MALRD1: variants seen among roughly 807,000 people sequenced by gnomAD.
The protein encoded by MALRD1 is MAM and LDL receptor class A domain containing 1.
In MALRD1, 247 loss-of-function variants were observed where a neutral mutation model predicts 242.1. The ratio of observed to expected loss-of-function variants is 1.02; its 90% CI spans 0.92 to 1.13. The LOEUF (loss-of-function observed/expected upper bound fraction) is 1.13. Ranked by LOEUF, MALRD1 falls within the 50% of genes most tolerant of loss-of-function variation. The probability of loss-of-function intolerance (pLI) is 0.00; values close to 1 mark genes in which losing one functional copy is unlikely to be tolerated. For synonymous variants in MALRD1, 995 were observed against 866.6 expected, an observed-to-expected ratio of 1.15 and a Z score of -2.60; for missense variants, 2,989 against 2,533.1, an observed-to-expected ratio of 1.18 and a Z score of -3.86.
At chr10:19,389,139 C>A in intron 27 of MALRD1, 1 of 417,372 alleles carries the variant, frequency 2.4e-6, no homozygotes. Flanking sequence ...CATTATTTTA[C>A]AATCACTTGG....
At chr10:19,161,504 A>T (rs1160138798) in intron 12 of MALRD1, among the ~76,000 whole-genome samples, 2 of 131,610 alleles carry the variant, frequency 1.5e-5, no homozygotes, top group African/African-American at 2.8e-5. Context: ...AGAGTATAAT[A>T]AAAAAAATAA....
At chr10:19,293,920 G>A (rs1381108388) in intron 21 of MALRD1, among the ~76,000 whole-genome samples, 2 of 152,076 alleles carry the variant, frequency 1.3e-5, no homozygotes, top group East Asian at 1.9e-4. Context: ...ACAAAAAAAC[G>A]AAATGCAGTC....
chr10:19,167,462 T>G (rs1834745149), intron 13 of MALRD1, among the ~76,000 whole-genome samples: 1 of 152,170 alleles, frequency 6.6e-6, no homozygotes. Context: ...GGATTTAAGG[T>G]CATCTCATCC....
In MALRD1 at chr10:19,363,265, TA is replaced by T. The variant is rs766579574; in HGVS notation, c.4441+10971del. ...GGATAAGAGAAGATCCAGAGAAAAA[TA>T]AAGAACCAGGAACTAAGCCCTGGGA... On this transcript the variant is annotated intron_variant, in intron 26 of 39. Transcript: ENST00000454679. Among the ~76,000 whole-genome samples, 43 of 151,732 alleles carry T rather than the reference TA, an allele frequency of 2.8e-4. No homozygotes were observed. The East Asian group carries it at 4.4e-3, about 16-fold the overall frequency.
At chr10:19,731,286 C>T (rs1228248022) in intron 39 of MALRD1, among the ~76,000 whole-genome samples, 1 of 152,100 alleles carries the variant, frequency 6.6e-6, no homozygotes, top group Non-Finnish European at 1.5e-5. Flanking sequence ...GGGGCTACCC[C>T]TTATTTTTAT....
chr10:19,539,816 A>G (rs1834857399), intron 32 of MALRD1, among the ~76,000 whole-genome samples: 1 of 149,134 alleles, frequency 6.7e-6, no homozygotes, highest in African/African-American at 2.5e-5. Flanking sequence ...CCTCCCTAAT[A>G]GCTGGGACTA....
Position 19,440,743 on chromosome 10 carries a change from T to C in MALRD1, c.4846-9564T>C, listed in dbSNP as rs1288000958. ...CACATTTTCTTAATCCAGTCTATCA[T>C]TGATGGACATTTGGGTTGGTTCCAG... is the stretch of plus-strand genomic sequence containing the variant. On this transcript the variant is annotated intron_variant, in intron 28 of 39. Coordinates refer to ENST00000454679, the MANE Select transcript of MALRD1 (RefSeq NM_001142308.3). Among the ~76,000 whole-genome samples, 7 of 152,204 alleles carry C rather than the reference T, an allele frequency of 4.6e-5. 1 individual carries two copies. The highest frequency in any genetic ancestry group is 1.0e-4 in the Non-Finnish European group (7 of 68,034).
chr10:19,084,458 A>G (rs4748549), intron 2 of MALRD1, among the ~76,000 whole-genome samples: 81,666 of 151,402 alleles, frequency 0.54, 22,180 homozygotes, highest in Middle Eastern at 0.6. Flanking sequence ...TTATCTCACT[A>G]TTAAAATGCT....
At chr10:19,522,663 A>G (rs1229967261) in intron 31 of MALRD1, among the ~76,000 whole-genome samples, 1 of 152,146 alleles carries the variant, frequency 6.6e-6, no homozygotes, top group Non-Finnish European at 1.5e-5. Context: ...AATATTTGAT[A>G]TTATATGCTC....
At position 19,076,246 on chromosome 10, in the gene MALRD1, TTATC is replaced by T. The variant is rs565632472; in HGVS notation, c.340+9391_340+9394del. ...GTAATTTTGATAAAGTCAAATTTAA[TTATC>T]TATATAGCCATCATCTATCTATCTA... is the stretch of plus-strand genomic sequence containing the variant. On this transcript the variant is annotated intron_variant, in intron 2 of 39. Coordinates refer to ENST00000454679, the MANE Select transcript of MALRD1 (RefSeq NM_001142308.3). Among the ~76,000 whole-genome samples the T allele has an allele frequency of 5.9e-4, 89 of 151,198 alleles. No individual in the cohort carries two copies. In the South Asian group the frequency reaches 0.016, roughly 27 times the overall value.
chr10:19,106,833 A>G (rs1187174076), intron 5 of MALRD1, among the ~76,000 whole-genome samples: 1 of 151,868 alleles, frequency 6.6e-6, no homozygotes, highest in African/African-American at 2.4e-5. Flanking sequence ...TTGTTTCTCC[A>G]TCTTTATTTG....
intron 5 of MALRD1, among the ~76,000 whole-genome samples, chr10:19,107,461 G>A (rs943241139): frequency 2.6e-5 from 4 of 151,048 alleles, no homozygotes; most frequent in Admixed American, 1.3e-4. Context: ...GGTCTCTTTT[G>A]GTTTCTATTT....
chr10:19,209,404 C>T lies in MALRD1; in HGVS notation c.2715C>T (p.Gly905=). Residue 905 remains glycine, a synonymous_variant, in exon 18 of 40, where the codon GGC becomes GGT. Transcript: ENST00000454679. ...GGCCAATGAAAGATAACACTCTGGG[C>T]ACAGCTAAAGGACACTATCTCTACA... ...NTGPMKDNTL[G]TAKGHYLYIE... 6.4e-7 allele frequency: 1 copy of T among 1,551,036 alleles called. No homozygotes were observed. The highest frequency in any genetic ancestry group is 8.7e-7 in the Non-Finnish European group (1 of 1,147,096).
intron 29 of MALRD1, among the ~76,000 whole-genome samples, chr10:19,450,817 T>C (rs1357859912): frequency 2.0e-5 from 3 of 152,170 alleles, no homozygotes; most frequent in Non-Finnish European, 4.4e-5. Flanking sequence ...TGCTGGTTAA[T>C]AGATGGCACC....
At chr10:19,094,313 G>T (rs550572792) in intron 4 of MALRD1, among the ~76,000 whole-genome samples, 1 of 102,202 alleles carries the variant, frequency 9.8e-6, no homozygotes, top group Admixed American at 1.0e-4. Flanking sequence ...TTTTTAAGCC[G>T]ATCTGAAAAG....
intron 32 of MALRD1, among the ~76,000 whole-genome samples, chr10:19,547,799 TATATATATATATATATA>T (rs1406779362): frequency 3.7e-3 from 51 of 13,642 alleles, no homozygotes; most frequent in African/African-American, 0.01. Flanking sequence ...TATATATATA[TATATATATATATATATA>T]TATTTTTTTT....
At chr10:19,651,145 C>A (rs982239795) in intron 36 of MALRD1, among the ~76,000 whole-genome samples, 2 of 152,176 alleles carry the variant, frequency 1.3e-5, no homozygotes, top group African/African-American at 2.4e-5. Context: ...TAAATGGCCA[C>A]AAGTCCAAAG....
chr10:19,697,699 T>C (rs1361385838), intron 38 of MALRD1, among the ~76,000 whole-genome samples: 1 of 152,182 alleles, frequency 6.6e-6, no homozygotes, highest in Non-Finnish European at 1.5e-5. Flanking sequence ...TTGGTGGCAT[T>C]ATGCCACAGC....
chr10:19,619,120 G>A (rs1352037321), intron 36 of MALRD1, among the ~76,000 whole-genome samples: 2 of 152,058 alleles, frequency 1.3e-5, no homozygotes, highest in Non-Finnish European at 2.9e-5. Context: ...TGTTCTAAAA[G>A]ACCAGTTTTC....
Sources: gnomAD v4.1 joint callset for allele counts (sites outside exome capture counted in the v4.1 genomes callset) on GRCh38, gnomAD v4.1.1 for gene constraint, MANE v1.5 for transcripts, NCBI Gene and HGNC (gene_info 2026-07-23, HGNC 2026-07-21) for gene names.